The following KPNA3 variants were observed in gnomAD, a reference collection of about 807,000 sequenced individuals.
The protein encoded by KPNA3 is karyopherin subunit alpha 3, also known as importin subunit alpha-4.
KPNA3 carries 13 observed loss-of-function variants against 73.8 expected under a neutral mutation model. That is an observed-to-expected ratio of 0.18 (90% confidence interval 0.11 to 0.28). The LOEUF is 0.28. Among genes scored for constraint, KPNA3 ranks in the 10% least tolerant of loss-of-function variants. The pLI, the probability that KPNA3 is intolerant of heterozygous loss-of-function variation, is 1.00. For missense variants in KPNA3, 360 were observed against 618.1 expected (o/e 0.58, Z 4.43); for synonymous variants, 186 against 206.9 (o/e 0.90, Z 0.87).
At chr13:49,785,628 A>T (rs1369755298) in intron 1 of KPNA3, among the ~76,000 whole-genome samples, 3 of 152,186 alleles carry the variant, frequency 2.0e-5, no homozygotes, top group Non-Finnish European at 4.4e-5. Context: ...AGATAAAAGA[A>T]TCGTAGACAG....
chr13:49,705,004 A>C (rs1954192465), intron 15 of KPNA3, among the ~76,000 whole-genome samples: 1 of 152,202 alleles, frequency 6.6e-6, no homozygotes, highest in Non-Finnish European at 1.5e-5. Flanking sequence ...GTAGTGTTGT[A>C]AGGGCTCTTA....
chr13:49,777,667 AT>A (rs146787105), intron 1 of KPNA3, among the ~76,000 whole-genome samples: 2,527 of 141,268 alleles, frequency 0.018, 49 homozygotes, highest in African/African-American at 0.06. Context: ...CACCCAGATG[AT>A]TTTTTTTTTT....
intron 2 of KPNA3, among the ~76,000 whole-genome samples, chr13:49,744,180 G>A (rs1041391812): frequency 1.2e-4 from 18 of 152,108 alleles, no homozygotes; most frequent in Middle Eastern, 3.2e-3. Context: ...TACTTACGAC[G>A]TGTGGACTTT....
chr13:49,722,830 T>TAAAAAA (rs10693298), intron 7 of KPNA3, among the ~76,000 whole-genome samples: 6 of 79,646 alleles, frequency 7.5e-5, no homozygotes, highest in South Asian at 5.1e-4. Context: ...TATAATCCAT[T>TAAAAAA]AAAAAAAAAA....
chr13:49,713,308 A>G (rs891203778), intron 10 of KPNA3, among the ~76,000 whole-genome samples: 63 of 152,140 alleles, frequency 4.1e-4, no homozygotes, highest in African/African-American at 1.4e-3. Context: ...ACACACACAC[A>G]CACACACACA....
At chr13:49,715,286 T>C (rs749654712) in intron 10 of KPNA3, among the ~76,000 whole-genome samples, 1 of 152,116 alleles carries the variant, frequency 6.6e-6, no homozygotes, top group Non-Finnish European at 1.5e-5. Context: ...ATATCCTTAA[T>C]ATATAAAGAA....
intron 1 of KPNA3, among the ~76,000 whole-genome samples, chr13:49,772,241 G>T (rs953652624): frequency 6.6e-6 from 1 of 152,168 alleles, no homozygotes; most frequent in African/African-American, 2.4e-5. Flanking sequence ...GAATACGGTT[G>T]TCTTATTCCT....
intron 10 of KPNA3, among the ~76,000 whole-genome samples, chr13:49,714,783 TTTAATA>T (rs1468791274): frequency 6.6e-6 from 1 of 152,080 alleles, no homozygotes; most frequent in African/African-American, 2.4e-5. Flanking sequence ...CATAATTAAA[TTTAATA>T]TTAATATTTG....
At chr13:49,731,978 C>G (rs763634058) in intron 6 of KPNA3, among the ~76,000 whole-genome samples, 3 of 152,158 alleles carry the variant, frequency 2.0e-5, no homozygotes, top group Non-Finnish European at 4.4e-5. Flanking sequence ...GAAAGAGCCA[C>G]TTAGTTCTGG....
intron 1 of KPNA3, among the ~76,000 whole-genome samples, chr13:49,759,936 G>C (rs1954744664): frequency 6.6e-6 from 1 of 152,172 alleles, no homozygotes; most frequent in Non-Finnish European, 1.5e-5. Flanking sequence ...ATGTTCCTCA[G>C]TGGTGATGTC....
chr13:49,758,718 A>G (rs1485224008), intron 1 of KPNA3, among the ~76,000 whole-genome samples: 1 of 151,420 alleles, frequency 6.6e-6, no homozygotes, highest in Non-Finnish European at 1.5e-5. Flanking sequence ...ATGTATGTAT[A>G]TAAATATGCA....
intron 1 of KPNA3, among the ~76,000 whole-genome samples, chr13:49,779,273 T>C (rs1954922552): frequency 6.6e-6 from 1 of 152,188 alleles, no homozygotes; most frequent in African/African-American, 2.4e-5. Flanking sequence ...TGGGCCTTCA[T>C]TCCTATATAA....
rs759518115 is a variant in KPNA3, at chr13:49,706,248, G to A, written c.1137+20C>T. 1.1e-5 allele frequency: 17 copies of A among 1,609,306 alleles called. No homozygotes were observed. In the South Asian group the frequency reaches 1.2e-4, roughly 11 times the overall value. The stretch of plus-strand genomic sequence containing the variant: ...TTATTAACAGATTAACAGACACGGT[G>A]AACTCATAATATGACCAACCTTAGC... On this transcript the variant is annotated intron_variant, in intron 13 of 16. Coordinates refer to ENST00000261667, the MANE Select transcript of KPNA3 (RefSeq NM_002267.4).
chr13:49,705,587 C>T (rs781677183), intron 15 of KPNA3, 34 bp downstream of exon 15: 4 of 1,599,074 alleles, frequency 2.5e-6, no homozygotes, highest in Middle Eastern at 1.7e-4. Flanking sequence ...AGTTCCAGTG[C>T]TCAAATACTC....
intron 1 of KPNA3, among the ~76,000 whole-genome samples, chr13:49,773,979 C>T (rs938557737): frequency 3.9e-5 from 6 of 152,108 alleles, no homozygotes; most frequent in East Asian, 1.9e-4. Context: ...GATCATGGCT[C>T]GCTGCAGCCT....
At chr13:49,753,026 CAAAAAAAAAAAA>C (rs71078888) in intron 1 of KPNA3, among the ~76,000 whole-genome samples, 31 of 82,190 alleles carry the variant, frequency 3.8e-4, no homozygotes, top group Admixed American at 4.2e-4. Context: ...GACTCTGTCT[CAAAAAAAAAAAA>C]AAAAAAAAAA....
At chr13:49,746,781 C>T (rs1954620823) in intron 2 of KPNA3, among the ~76,000 whole-genome samples, 168 bp downstream of exon 2, 1 of 152,158 alleles carries the variant, frequency 6.6e-6, no homozygotes, top group Non-Finnish European at 1.5e-5. Flanking sequence ...GCCTAGTACC[C>T]TCAGTAAATG....
At chr13:49,767,059 C>T (rs9596193) in intron 1 of KPNA3, among the ~76,000 whole-genome samples, 89 of 145,918 alleles carry the variant, frequency 6.1e-4, no homozygotes, top group African/African-American at 2.2e-3. Context: ...GGACTAAACA[C>T]AGGACATTAT....
intron 2 of KPNA3, among the ~76,000 whole-genome samples, chr13:49,745,905 T>C (rs1315674651): frequency 6.7e-6 from 1 of 149,624 alleles, no homozygotes; most frequent in African/African-American, 2.5e-5. Context: ...CTACTAAAAA[T>C]ACAAAAAATT....
Sources: allele counts gnomAD v4.1 joint callset (sites outside exome capture counted in the v4.1 genomes callset), GRCh38; gene constraint gnomAD v4.1.1; transcripts MANE v1.5; gene names NCBI Gene and HGNC (gene_info 2026-07-23, HGNC 2026-07-21).